The following TTN variants were observed in gnomAD, a reference collection of about 807,000 sequenced individuals.
TTN encodes connectin.
A neutral mutation model predicts 3,223.0 loss-of-function variants in TTN; 1,525 were observed. The observed-to-expected ratio is 0.47, with a 90% CI of 0.45 to 0.49. The LOEUF (loss-of-function observed/expected upper bound fraction) is 0.49. Ranked by LOEUF, TTN falls within the 20% of genes least tolerant of loss-of-function variation. The probability of loss-of-function intolerance (pLI) is 0.00; values close to 1 mark genes in which losing one functional copy is unlikely to be tolerated. For synonymous variants in TTN, 14,094 were observed against 15,161.0 expected (o/e 0.93, Z 5.17); for missense variants, 40,786 against 43,424.0 (o/e 0.94, Z 5.40).
Position 178,710,910 on chromosome 2 carries a change from G to T in TTN, c.28187C>A (p.Pro9396Gln). The change falls in exon 98 of 363, where the codon CCA becomes CAA. Residue 9396 changes from proline (P) to glutamine (Q), a missense_variant. Coordinates refer to ENST00000589042, the MANE Select transcript of TTN (RefSeq NM_001267550.2). ...GGCAAGACGGATGTCAAAGAAGGGT[G>T]GGTTCTTCCCCTCTAATAGTAGAGC... Reference protein sequence around the residue: ...ARLILTEGKNPPFFDIRLAPV... With the variant: ...ARLILTEGKNQPFFDIRLAPV... 1 of 1,613,040 alleles carries T rather than the reference G, an allele frequency of 6.2e-7. No homozygotes were observed. The highest frequency in any genetic ancestry group is 8.5e-7 in the Non-Finnish European group (1 of 1,179,150).
chr2:178,612,148 G>A lies in TTN; in HGVS notation c.50263C>T (p.Pro16755Ser). Residue 16755 changes from proline (P) to serine (S), a missense_variant, in exon 267 of 363, where the codon CCC becomes TCC. Pro to Ser is a moderately conservative substitution (Grantham distance 74). Coordinates refer to ENST00000589042, the MANE Select transcript of TTN (RefSeq NM_001267550.2). Reference protein sequence around the residue: ...AKDTFTTPGPPYALAVVDVTK... With the variant: ...AKDTFTTPGPSYALAVVDVTK... ...ACATCAACCACTGCCAGGGCGTAGGGTGGTCCAGGAGTGGCTGAAAATAAA... is the reference window on the plus strand; with the variant it reads ...ACATCAACCACTGCCAGGGCGTAGGATGGTCCAGGAGTGGCTGAAAATAAA... 6.2e-7 allele frequency: 1 copy of A among 1,611,190 alleles called. No homozygotes were observed. Among genetic ancestry groups the A allele is most frequent in the Non-Finnish European group, 8.5e-7 (1 of 1,178,656 alleles).
rs774497699 is a variant in TTN at position 178,614,544 on chromosome 2, T to G, written c.48970A>C (p.Ser16324Arg). 1.2e-6 allele frequency: 2 copies of G among 1,612,524 alleles called. No individual in the cohort carries two copies. The highest frequency in any genetic ancestry group is 1.7e-6 in the Non-Finnish European group (2 of 1,179,166). Residue 16324 changes from serine (S) to arginine (R), a missense_variant, in exon 261 of 363, where the codon AGT (serine) becomes CGT (arginine). By Grantham distance (110) the Ser-to-Arg change is moderately radical. Transcript: ENST00000589042. Reference protein sequence around the residue: ...STVTIVDSKRSDTGTYIIEAV... With the variant: ...STVTIVDSKRRDTGTYIIEAV... The stretch of plus-strand genomic sequence containing the variant: ...TCAATGATATATGTGCCAGTGTCAC[T>G]TCTCTTACTATCAACAATAGTCACT...
chr2:178,536,514 C>T lies in TTN; in HGVS notation c.100233G>A (p.Val33411=). 8 of 1,547,424 alleles carry T rather than the reference C, an allele frequency of 5.2e-6. No homozygotes were observed. Among genetic ancestry groups the T allele is most frequent in the Non-Finnish European group, 7.0e-6 (8 of 1,149,404 alleles). Residue 33411 remains valine, a synonymous_variant, in exon 357 of 363, where the codon GTG becomes GTA. Coordinates refer to ENST00000589042, the MANE Select transcript of TTN (RefSeq NM_001267550.2). ...CATCACTGGCAGGTGGCTTCCAGGC[C>T]ACAACACAAGAATCTTTTGTGACAG... The part of the protein sequence containing the change: ...ITAVTKDSCV[V]AWKPPASDGG...
chr2:178,567,114 C>G lies in TTN; in HGVS notation c.79018G>C (p.Glu26340Gln). Reference protein sequence around the residue: ...SRLAWTVVASEVVTNSLKVTK... With the variant: ...SRLAWTVVASQVVTNSLKVTK... ...ACTTTCAGAGAATTGGTCACAACTT[C>G]TGAAGCAACAACAGTCCAGGCAAGT... Residue 26340 changes from glutamate (E) to glutamine (Q), a missense_variant, in exon 326 of 363, where the codon GAA becomes CAA. Coordinates refer to ENST00000589042, the MANE Select transcript of TTN (RefSeq NM_001267550.2). 1 of 1,613,572 alleles carries G rather than the reference C, an allele frequency of 6.2e-7. No homozygotes were observed. Among genetic ancestry groups the G allele is most frequent in the Non-Finnish European group, 8.5e-7 (1 of 1,179,612 alleles).
In TTN at chr2:178,677,663, C is replaced by G. The variant is rs2068399536; in HGVS notation, c.34249G>C (p.Val11417Leu). ...ACCTTAGGTTTAACTTCTGGAAGGA[C>G]TTCTTCTTCAGGTACAAATTCTTCT... ...EEEEFVPEEE[V>L]LPEVKPKVPV... The change falls in exon 146 of 363, where the codon GTC becomes CTC. Residue 11417 changes from valine (V) to leucine (L), a missense_variant. Val to Leu is a conservative substitution (Grantham distance 32). Coordinates refer to ENST00000589042, the MANE Select transcript of TTN (RefSeq NM_001267550.2). The G allele has an allele frequency of 1.2e-6, 2 of 1,608,566 alleles. No individual in the cohort carries two copies. The highest frequency in any genetic ancestry group is 1.7e-6 in the Non-Finnish European group (2 of 1,178,564).
chr2:178,616,584 C>T lies in TTN; in HGVS notation c.48207G>A (p.Lys16069=), dbSNP rs536494070. ...PKELKFGDIT[K]DSVHLTWEPP... ...GTTCCCAAGTCAAATGTACTGAGTC[C>T]TTGGTTATATCACCAAATTTCAATT... The change falls in exon 257 of 363, where the codon AAG becomes AAA. Residue 16069 remains lysine (K), a synonymous_variant. Transcript: ENST00000589042. 6 of 1,612,292 alleles carry T rather than the reference C, an allele frequency of 3.7e-6. No individual in the cohort carries two copies. The African/African-American group carries it at 5.3e-5, about 14-fold the overall frequency.
rs1380581302 is a variant in TTN at position 178,614,317 on chromosome 2, G to A, written c.49080C>T (p.Ile16360=). Residue 16360 remains isoleucine (I), a synonymous_variant, in exon 262 of 363, where the codon ATC becomes ATT. Coordinates refer to ENST00000589042, the MANE Select transcript of TTN (RefSeq NM_001267550.2). ...DKPGPPAAFD[I]TDVTNESCLL... is the part of the protein sequence containing the mutation. ...GACATGACTCATTGGTTACATCTGT[G>A]ATGTCAAAGGCAGCTGGTGGTCCGG... 1.2e-6 allele frequency: 2 copies of A among 1,612,674 alleles called. No individual in the cohort carries two copies. The highest frequency in any genetic ancestry group is 1.7e-6 in the Non-Finnish European group (2 of 1,179,224).
chr2:178,780,534 A>G (rs2092673681), intron 21 of TTN, among the ~76,000 whole-genome samples: 1 of 152,244 alleles, frequency 6.6e-6, no homozygotes, highest in African/African-American at 2.4e-5. Flanking sequence ...TATCTGCTAA[A>G]TGAAGATAAT....
Position 178,589,167 on chromosome 2 carries a change from A to G in TTN, c.62558T>C (p.Phe20853Ser), listed in dbSNP as rs375844494. The change falls in exon 304 of 363, where the codon TTT becomes TCT. Residue 20853 changes from phenylalanine (F) to serine (S), a missense_variant. Phe to Ser is a radical substitution (Grantham distance 155, BLOSUM62 -2). Coordinates refer to ENST00000589042, the MANE Select transcript of TTN (RefSeq NM_001267550.2). ...AACATTGACAGTGGCATAGGCCACA[A>G]AACTGCCAGCCGTGTTAGTTGCCGT... ...VVTATNTAGS[F>S]VAYATVNVLD... The G allele has an allele frequency of 1.1e-5, 18 of 1,613,366 alleles. No homozygotes were observed. The highest frequency in any genetic ancestry group is 1.4e-5 in the Non-Finnish European group (17 of 1,179,652).
chr2:178,639,261 A>G (rs2060913472), intron 223 of TTN, among the ~76,000 whole-genome samples: 1 of 152,016 alleles, frequency 6.6e-6, no homozygotes, highest in Admixed American at 6.6e-5. Context: ...ACAACCATCA[A>G]CACTATCCAT....
chr2:178,602,344 T>C lies in TTN; in HGVS notation c.55058A>G (p.Asn18353Ser), dbSNP rs747601378. 14 of 1,612,840 alleles carry C rather than the reference T, an allele frequency of 8.7e-6. No homozygotes were observed. The highest frequency in any genetic ancestry group is 4.0e-5 in the African/African-American group (3 of 74,866). The part of the protein sequence containing the change: ...RKYRFRVKAV[N>S]EAGESEPSDT... ...ACTTGGTTCAGATTCACCAGCTTCATTGACAGCTTTCACTCTGAATCTGTA... is the reference window on the plus strand; with the variant it reads ...ACTTGGTTCAGATTCACCAGCTTCACTGACAGCTTTCACTCTGAATCTGTA... Residue 18353 changes from asparagine to serine, a missense_variant, in exon 283 of 363, where the codon AAT becomes AGT. Transcript: ENST00000589042.
At position 178,675,068 on chromosome 2, in the gene TTN, G is replaced by A. The variant is rs1553815977; in HGVS notation, c.34583C>T (p.Pro11528Leu). ...AACTGGTAGAACTTCCTCTTCTTTA[G>A]GGAGAATGATTCGTTTTTCTTCCAC... ...KKVEEKRIIL[P>L]KEEEVLPVEV... The change falls in exon 150 of 363, where the codon CCT (proline) becomes CTT (leucine). Residue 11528 changes from proline to leucine, a missense_variant. Physicochemically the swap from Pro to Leu is moderately conservative, Grantham distance 98. Transcript: ENST00000589042. 3.2e-6 allele frequency: 5 copies of A among 1,554,604 alleles called. No individual in the cohort carries two copies. Among genetic ancestry groups the A allele is most frequent in the Non-Finnish European group, 4.3e-6 (5 of 1,156,914 alleles).
intron 15 of TTN, among the ~76,000 whole-genome samples, chr2:178,785,023 C>A (rs3769863): frequency 0.48 from 72,917 of 151,854 alleles, 17,957 homozygotes; most frequent in Admixed American, 0.56. Context: ...CTGACAACTG[C>A]AGGTTTTTAT....
At chr2:178,627,189 C>G (rs2059175899) in intron 240 of TTN, among the ~76,000 whole-genome samples, 2 of 151,770 alleles carry the variant, frequency 1.3e-5, no homozygotes, top group Non-Finnish European at 2.9e-5. Context: ...TTAAAATTAT[C>G]AAATGCCATT....
chr2:178,647,384 C>T lies in TTN; in HGVS notation c.40138G>A (p.Glu13380Lys), dbSNP rs1437795587. Residue 13380 changes from glutamate to lysine, a missense_variant, in exon 214 of 363, where the codon GAA becomes AAA. By Grantham distance (56) the Glu-to-Lys change is moderately conservative. Transcript: ENST00000589042. ...IPAEPEVPPA[E>K]VEETPEEIIY... is the part of the protein sequence containing the mutation. The stretch of plus-strand genomic sequence containing the variant: ...GATTTATGGAGAAGCCGTGTACCTT[C>T]AGCAGGTGGAACTTCTGGCTCTGCA... 6.5e-7 allele frequency: 1 copy of T among 1,549,646 alleles called. No individual in the cohort carries two copies. The highest frequency in any genetic ancestry group is 2.0e-5 in the Admixed American group (1 of 50,954).
chr2:178,589,435 C>G lies in TTN; in HGVS notation c.62290G>C (p.Glu20764Gln), dbSNP rs397517651. The change falls in exon 304 of 363, where the codon GAA (glutamate) becomes CAA (glutamine). Residue 20764 changes from glutamate (E) to glutamine (Q), a missense_variant. Coordinates refer to ENST00000589042, the MANE Select transcript of TTN (RefSeq NM_001267550.2). ...TCAAGTACTGGTTTTTGTAAGTCTT[C>G]TTTCACAACAACTTCCTCTGTCTTC... ...WVKTEEVVVK[E>Q]DLQKPVLDLK... 18 of 1,613,282 alleles carry G rather than the reference C, an allele frequency of 1.1e-5. No individual in the cohort carries two copies. The African/African-American group carries it at 2.4e-4, about 22-fold the overall frequency.
In TTN at chr2:178,563,941, A is replaced by AT; in HGVS notation, c.82190dup (p.Asp27397GlufsTer5). 1 of 1,613,680 alleles carries AT rather than the reference A, an allele frequency of 6.2e-7. No individual in the cohort carries two copies. Among genetic ancestry groups the AT allele is most frequent in the Non-Finnish European group, 8.5e-7 (1 of 1,179,714 alleles). ...TGTAATGTGAAATATTAGCACCACC[A>AT]TCTTGCAAAGGTGGGTTCCATGCCA... On this transcript the variant is annotated frameshift_variant, in exon 326 of 363. Coordinates refer to ENST00000589042, the MANE Select transcript of TTN (RefSeq NM_001267550.2). LOFTEE classifies it high-confidence loss of function. The surrounding 1 kb of genome is among the most constrained non-coding windows in gnomAD (Gnocchi z 4.5).
rs397517794 is a variant in TTN at position 178,531,622 on chromosome 2, G to T, written c.104993C>A (p.Thr34998Asn). The change falls in exon 358 of 363, where the codon ACC becomes AAC. Residue 34998 changes from threonine to asparagine, a missense_variant. Coordinates refer to ENST00000589042, the MANE Select transcript of TTN (RefSeq NM_001267550.2). ...IHYTNTSGVL[T>N]LEILDCHTDD... ...AGTATGACAGTCCAGAATTTCCAGG[G>T]TGAGGACTCCACTCGTGTTGGTGTA... 1 of 1,613,984 alleles carries T rather than the reference G, an allele frequency of 6.2e-7. No individual in the cohort carries two copies. The highest frequency in any genetic ancestry group is 8.5e-7 in the Non-Finnish European group (1 of 1,179,876).
intron 127 of TTN, among the ~76,000 whole-genome samples, chr2:178,687,376 G>T (rs552381682): frequency 1.9e-4 from 27 of 143,980 alleles, no homozygotes; most frequent in Middle Eastern, 3.6e-3. Context: ...CAATGGAATA[G>T]TTTGTTGGTT....
Sources: allele counts gnomAD v4.1 joint callset (sites outside exome capture counted in the v4.1 genomes callset), GRCh38; gene constraint gnomAD v4.1.1; non-coding constraint Gnocchi (gnomAD v3.1); transcripts MANE v1.5; gene names NCBI Gene and HGNC (gene_info 2026-07-23, HGNC 2026-07-21).